The following SGK3 variants were observed in gnomAD, a reference collection of about 807,000 sequenced individuals.
The protein encoded by SGK3 is serum/glucocorticoid regulated kinase family member 3, also known as serine/threonine-protein kinase Sgk3.
A neutral mutation model predicts 68.5 loss-of-function variants in SGK3; 47 were observed. The observed-to-expected ratio is 0.69, with a 90% CI of 0.54 to 0.87. The LOEUF (loss-of-function observed/expected upper bound fraction) is 0.87, where lower values mean the gene tolerates loss of function less well. SGK3 is among the 40% of genes least tolerant of loss of function. The pLI is 0.00. For missense variants in SGK3, 479 were observed against 575.5 expected, an observed-to-expected ratio of 0.83 and a Z score of 1.72; for synonymous variants, 181 against 189.1, an observed-to-expected ratio of 0.96 and a Z score of 0.35.
At chr8:66,718,589 C>T (rs1326828873) in intron 1 of SGK3, among the ~76,000 whole-genome samples, 1 of 151,764 alleles carries the variant, frequency 6.6e-6, no homozygotes, top group Admixed American at 6.6e-5. Flanking sequence ...AGTGCAGTGG[C>T]ACGATTTTGG....
chr8:66,757,613 A>C (rs1407635871), intron 1 of SGK3, among the ~76,000 whole-genome samples: 1 of 151,960 alleles, frequency 6.6e-6, no homozygotes, highest in Non-Finnish European at 1.5e-5. Context: ...TTTTAAAAAA[A>C]AAATTAAATA....
intron 1 of SGK3, among the ~76,000 whole-genome samples, chr8:66,723,121 ATATATATATATTTTTTT>A (rs1185468897): frequency 3.5e-4 from 18 of 50,856 alleles, no homozygotes; most frequent in African/African-American, 1.7e-3. Flanking sequence ...ATATATATAT[ATATATATATATTTTTTT>A]TTTTTTTTTT....
intron 1 of SGK3, among the ~76,000 whole-genome samples, chr8:66,723,110 TATATATATATATATA>T (rs1563595121): frequency 6.1e-4 from 29 of 47,756 alleles, no homozygotes; most frequent in Non-Finnish European, 9.7e-4. Context: ...TATATATATA[TATATATATATATATA>T]TATATATTTT....
At chr8:66,777,854 T>C (rs1264331587) in intron 1 of SGK3, 7 of 152,268 alleles carry the variant, frequency 4.6e-5, no homozygotes, top group African/African-American at 1.7e-4. Flanking sequence ...GAATTAAGGC[T>C]TTAATGGTGA....
chr8:66,821,046 T>A (rs984529376), intron 5 of SGK3, among the ~76,000 whole-genome samples: 9 of 152,058 alleles, frequency 5.9e-5, no homozygotes, highest in African/African-American at 2.2e-4. Context: ...ATCTTTTGAG[T>A]TTCCTGGAAA....
intron 1 of SGK3, among the ~76,000 whole-genome samples, chr8:66,729,503 A>C (rs1048725259): frequency 6.6e-6 from 1 of 152,092 alleles, no homozygotes; most frequent in Admixed American, 6.6e-5. Flanking sequence ...TGAATATACC[A>C]TATTTTGCTT....
At chr8:66,721,154 C>T (rs951268473) in intron 1 of SGK3, among the ~76,000 whole-genome samples, 2 of 152,200 alleles carry the variant, frequency 1.3e-5, no homozygotes, top group African/African-American at 4.8e-5. Flanking sequence ...ATTTCATGCA[C>T]ACAGCTCCCT....
chr8:66,749,113 A>G (rs1173079176), intron 1 of SGK3, among the ~76,000 whole-genome samples: 1 of 152,206 alleles, frequency 6.6e-6, no homozygotes, highest in Non-Finnish European at 1.5e-5. Flanking sequence ...AAATATGGTT[A>G]AGAAAATACG....
intron 1 of SGK3, among the ~76,000 whole-genome samples, chr8:66,783,943 G>A (rs1018501746): frequency 2.0e-5 from 3 of 152,116 alleles, no homozygotes; most frequent in Admixed American, 1.3e-4. Flanking sequence ...AGGCTGGAGT[G>A]CAGTGGTGCA....
At chr8:66,725,891 A>G (rs867811390) in intron 1 of SGK3, among the ~76,000 whole-genome samples, 10 of 152,280 alleles carry the variant, frequency 6.6e-5, no homozygotes, top group Middle Eastern at 3.4e-3. Context: ...GTTTCCTAAT[A>G]AAAACTCTTA....
intron 4 of SGK3, among the ~76,000 whole-genome samples, chr8:66,809,483 A>G (rs1247218155): frequency 6.6e-6 from 1 of 152,194 alleles, no homozygotes; most frequent in Non-Finnish European, 1.5e-5. Flanking sequence ...GGTGAAAGTA[A>G]TTATCATAGC....
In SGK3 at chr8:66,859,854, C is replaced by T. The variant is rs1307850446; in HGVS notation, c.*273C>T. 4 of 267,180 alleles carry T rather than the reference C, an allele frequency of 1.5e-5. No individual in the cohort carries two copies. The highest frequency in any genetic ancestry group is 2.7e-5 in the Non-Finnish European group (4 of 146,882). 16.6% of individuals were successfully genotyped at this position (267,180 alleles called of 1,614,324 possible). On this transcript the variant is annotated 3_prime_UTR_variant, in exon 17 of 17. Coordinates refer to ENST00000521198, the MANE Select transcript of SGK3 (RefSeq NM_001033578.3). ...TAGCATTAACCTATTTTTAAAGAAA[C>T]CTTTTTTGCTATTGACTGTTTTTTC...
At chr8:66,783,319 G>A (rs1807066447) in intron 1 of SGK3, among the ~76,000 whole-genome samples, 1 of 152,118 alleles carries the variant, frequency 6.6e-6, no homozygotes, top group Non-Finnish European at 1.5e-5. Context: ...TTGTTTTCTT[G>A]TTGTTTAAAG....
chr8:66,832,418 G>C (rs1809340032), intron 8 of SGK3, among the ~76,000 whole-genome samples: 1 of 152,108 alleles, frequency 6.6e-6, no homozygotes, highest in African/African-American at 2.4e-5. Flanking sequence ...GTTTCCTTGA[G>C]ACTAGAAACT....
At chr8:66,780,109 A>G (rs1806913162) in intron 1 of SGK3, among the ~76,000 whole-genome samples, 1 of 152,174 alleles carries the variant, frequency 6.6e-6, no homozygotes, top group Non-Finnish European at 1.5e-5. Context: ...AAATAAGTAA[A>G]TCTATATTTT....
At chr8:66,843,706 A>G (rs888094228) in intron 14 of SGK3, among the ~76,000 whole-genome samples, 159 bp downstream of exon 14, 8 of 152,150 alleles carry the variant, frequency 5.3e-5, no homozygotes, top group African/African-American at 7.2e-5. Context: ...AATAAGGACA[A>G]AAAGAGGCTG....
chr8:66,717,537 GA>G (rs1804673094), intron 1 of SGK3, among the ~76,000 whole-genome samples: 3 of 151,894 alleles, frequency 2.0e-5, no homozygotes, highest in Admixed American at 2.0e-4. Flanking sequence ...CAAAAAAAAA[GA>G]AAAGAAAACT....
At chr8:66,725,106 G>A (rs1804942985) in intron 1 of SGK3, among the ~76,000 whole-genome samples, 1 of 152,108 alleles carries the variant, frequency 6.6e-6, no homozygotes, top group African/African-American at 2.4e-5. Flanking sequence ...GCATCTGTAT[G>A]TAGTCCCAGC....
At chr8:66,725,947 A>G (rs1183228961) in intron 1 of SGK3, among the ~76,000 whole-genome samples, 4 of 152,118 alleles carry the variant, frequency 2.6e-5, no homozygotes, top group African/African-American at 9.7e-5. Flanking sequence ...TCTTCTCCCC[A>G]TGATATCTTG....
Sources: gnomAD v4.1 joint callset for allele counts (sites outside exome capture counted in the v4.1 genomes callset) on GRCh38, gnomAD v4.1.1 for gene constraint, MANE v1.5 for transcripts, NCBI Gene and HGNC (gene_info 2026-07-23, HGNC 2026-07-21) for gene names.